RBFOX3: variants seen among roughly 807,000 people sequenced by gnomAD.
RBFOX3 encodes the protein RNA binding fox-1 homolog 3.
A neutral mutation model predicts 48.7 loss-of-function variants in RBFOX3; 17 were observed. The observed-to-expected ratio is 0.35, with a 90% CI of 0.24 to 0.52. The LOEUF (loss-of-function observed/expected upper bound fraction) is 0.52, where lower values mean the gene tolerates loss of function less well. RBFOX3 is among the 20% of genes least tolerant of loss of function. The pLI is 0.94. For synonymous variants in RBFOX3, 212 were observed against 209.5 expected, an observed-to-expected ratio of 1.01 and a Z score of -0.10; for missense variants, 382 against 497.5, an observed-to-expected ratio of 0.77 and a Z score of 2.21.
intron 4 of RBFOX3, among the ~76,000 whole-genome samples, chr17:79,149,236 G>C (rs938760249): frequency 2.6e-5 from 4 of 152,236 alleles, no homozygotes; most frequent in Non-Finnish European, 5.9e-5. Flanking sequence ...GCCTGGGAAG[G>C]TGGCAGGGCA....
rs144155849 is a variant in RBFOX3 at position 79,352,518 on chromosome 17, C to G, written c.-174-44694G>C. 2.5e-3 allele frequency among the ~76,000 whole-genome samples: 378 copies of G among 152,258 alleles called. 1 individual carries two copies. The highest frequency in any genetic ancestry group is 8.6e-3 in the African/African-American group (359 of 41,534). On this transcript the variant is annotated intron_variant, in intron 2 of 14. Transcript: ENST00000693108. ...GAGAACAGATGAAAACAGAAGTGCC[C>G]TGAGGGAATGCATGGTCTCCAAGTG... is the stretch of plus-strand genomic sequence containing the variant.
intron 2 of RBFOX3, among the ~76,000 whole-genome samples, chr17:79,360,968 G>A (rs893457536): frequency 9.2e-5 from 14 of 152,120 alleles, no homozygotes; most frequent in African/African-American, 3.4e-4. Context: ...ATTGTTGGGA[G>A]AGAGAAGCCT....
At chr17:79,572,295 G>C (rs1048133679) in intron 1 of RBFOX3, among the ~76,000 whole-genome samples, 2 of 152,124 alleles carry the variant, frequency 1.3e-5, no homozygotes, top group Non-Finnish European at 2.9e-5. Flanking sequence ...GCATCGCCCC[G>C]CCACCCGGCT....
chr17:79,610,256 G>A (rs1356475192), intron 1 of RBFOX3, among the ~76,000 whole-genome samples: 1 of 152,006 alleles, frequency 6.6e-6, no homozygotes, highest in Non-Finnish European at 1.5e-5. Flanking sequence ...AGAGGACCCC[G>A]GCAGGGCTCT....
At chr17:79,438,133 A>G (rs1555732334) in intron 2 of RBFOX3, among the ~76,000 whole-genome samples, 1 of 151,458 alleles carries the variant, frequency 6.6e-6, no homozygotes, top group Non-Finnish European at 1.5e-5. Context: ...CGTCACCACC[A>G]GGGCTCTAAA....
At chr17:79,171,168 C>G (rs994549533) in intron 4 of RBFOX3, among the ~76,000 whole-genome samples, 1 of 152,196 alleles carries the variant, frequency 6.6e-6, no homozygotes. Context: ...AAGAGAATGC[C>G]AAATATCTCA....
At chr17:79,285,128 G>T (rs1323132090) in intron 3 of RBFOX3, among the ~76,000 whole-genome samples, 1 of 152,204 alleles carries the variant, frequency 6.6e-6, no homozygotes, top group Non-Finnish European at 1.5e-5. Context: ...GAAAGAAGAT[G>T]CTTGAAAATC....
At chr17:79,444,664 C>A (rs1162203096) in intron 2 of RBFOX3, among the ~76,000 whole-genome samples, 1 of 152,014 alleles carries the variant, frequency 6.6e-6, no homozygotes, top group Non-Finnish European at 1.5e-5. Context: ...CTTTCACAAG[C>A]CCTGGGTCTA....
chr17:79,201,121 G>A (rs1433093619), intron 4 of RBFOX3, among the ~76,000 whole-genome samples: 1 of 151,906 alleles, frequency 6.6e-6, no homozygotes, highest in Non-Finnish European at 1.5e-5. Flanking sequence ...ACAACAACAA[G>A]AGGTGCATCA....
At chr17:79,488,102 A>G (rs1202388508) in intron 1 of RBFOX3, among the ~76,000 whole-genome samples, 1 of 151,940 alleles carries the variant, frequency 6.6e-6, no homozygotes, top group African/African-American at 2.4e-5. Context: ...GCACCCCAAG[A>G]CCCTCACACT....
chr17:79,372,260 G>C (rs9914068), intron 2 of RBFOX3, among the ~76,000 whole-genome samples: 41,524 of 146,960 alleles, frequency 0.28, 6,113 homozygotes, highest in African/African-American at 0.37. Flanking sequence ...TACTATCCCC[G>C]GCAATCCTAT....
intron 2 of RBFOX3, among the ~76,000 whole-genome samples, chr17:79,436,027 A>C (rs542673532): frequency 6.6e-6 from 1 of 152,232 alleles, no homozygotes; most frequent in South Asian, 2.1e-4. Flanking sequence ...CACCGCCCCC[A>C]TGAGACCTGC....
At chr17:79,551,011 G>A (rs1422103125) in intron 1 of RBFOX3, among the ~76,000 whole-genome samples, 3 of 152,264 alleles carry the variant, frequency 2.0e-5, no homozygotes, top group Non-Finnish European at 2.9e-5. Flanking sequence ...CTAGCCCCAT[G>A]TGGCTACTGA....
chr17:79,314,833 G>A (rs146943692), intron 2 of RBFOX3, among the ~76,000 whole-genome samples: 42 of 152,268 alleles, frequency 2.8e-4, no homozygotes, highest in African/African-American at 9.4e-4. Context: ...TGCTCAGAGC[G>A]GCCTCTGGGT....
At chr17:79,287,013 C>A (rs956720983) in intron 3 of RBFOX3, among the ~76,000 whole-genome samples, 2 of 152,244 alleles carry the variant, frequency 1.3e-5, no homozygotes, top group African/African-American at 4.8e-5. Context: ...AGTTCACTAG[C>A]GGTGCTTCCC....
chr17:79,441,402 C>G (rs574359788), intron 2 of RBFOX3, among the ~76,000 whole-genome samples: 11 of 152,304 alleles, frequency 7.2e-5, no homozygotes, highest in African/African-American at 2.4e-4. Context: ...TGAGGCCATC[C>G]TGGATTAGGG....
chr17:79,603,039 G>C (rs1021156311), intron 1 of RBFOX3, among the ~76,000 whole-genome samples: 3 of 149,864 alleles, frequency 2.0e-5, no homozygotes, highest in Admixed American at 6.6e-5. Flanking sequence ...TGCCCAGACT[G>C]GAGTGCAGCG....
chr17:79,124,557 C>T (rs1400778942), intron 4 of RBFOX3, among the ~76,000 whole-genome samples: 2 of 152,236 alleles, frequency 1.3e-5, no homozygotes, highest in Non-Finnish European at 2.9e-5. Context: ...GTGGTGAGCT[C>T]CATAAAGGCT....
intron 3 of RBFOX3, among the ~76,000 whole-genome samples, chr17:79,255,956 C>T (rs1347593759): frequency 6.6e-6 from 1 of 151,488 alleles, no homozygotes; most frequent in Non-Finnish European, 1.5e-5. Flanking sequence ...ACAGCTGCCT[C>T]CCCAGCCAAC....
Sources: gnomAD v4.1 joint callset for allele counts (sites outside exome capture counted in the v4.1 genomes callset) on GRCh38, gnomAD v4.1.1 for gene constraint, MANE v1.5 for transcripts, NCBI Gene and HGNC (gene_info 2026-07-23, HGNC 2026-07-21) for gene names.